Variants in RBFOX1 observed in about 807,000 individuals in gnomAD.
The protein encoded by RBFOX1 is RNA binding fox-1 homolog 1.
Under a neutral mutation model 57.7 loss-of-function variants are expected in RBFOX1, and 8 were observed. The observed-to-expected ratio is 0.14, with a 90% CI of 0.08 to 0.25. The LOEUF is 0.25. Ranked by LOEUF, RBFOX1 falls within the 10% of genes least tolerant of loss-of-function variation. The probability of loss-of-function intolerance (pLI) is 1.00; values close to 1 mark genes in which losing one functional copy is unlikely to be tolerated. For synonymous variants in RBFOX1, 326 were observed against 222.4 expected, an observed-to-expected ratio of 1.47 and a Z score of -4.15; for missense variants, 611 against 548.5, an observed-to-expected ratio of 1.11 and a Z score of -1.14.
intron 1 of RBFOX1, among the ~76,000 whole-genome samples, chr16:6,132,869 C>G (rs914878187): frequency 2.0e-5 from 3 of 151,548 alleles, no homozygotes; most frequent in African/African-American, 7.3e-5. Context: ...TGCCTGTAGT[C>G]CCAGCTACTC....
intron 1 of RBFOX1, among the ~76,000 whole-genome samples, chr16:6,193,375 T>TATATACATTATATATATATATACAC: frequency 1.5e-5 from 1 of 64,868 alleles, no homozygotes; most frequent in African/African-American, 4.4e-5. Context: ...TATATATATA[T>TATATACATTATATATATATATACAC]ACATTATATA....
chr16:5,382,889 T>A (rs987092499), intron 1 of RBFOX1, among the ~76,000 whole-genome samples: 1 of 152,162 alleles, frequency 6.6e-6, no homozygotes, highest in Non-Finnish European at 1.5e-5. Flanking sequence ...AAAGCTTAAG[T>A]CTCCTTTTAT....
At chr16:5,412,379 C>G (rs1382645399) in intron 1 of RBFOX1, among the ~76,000 whole-genome samples, 3 of 152,232 alleles carry the variant, frequency 2.0e-5, no homozygotes, top group East Asian at 1.9e-4. Flanking sequence ...ATTGTTATCA[C>G]TAATGATATT....
chr16:5,450,737 TG>T (rs1436269706), intron 1 of RBFOX1, among the ~76,000 whole-genome samples: 1 of 151,934 alleles, frequency 6.6e-6, no homozygotes, highest in East Asian at 1.9e-4. Flanking sequence ...TTGCTGGGAG[TG>T]GGACTTTGGG....
At chr16:7,215,069 C>CT (rs1409080420) in intron 4 of RBFOX1, among the ~76,000 whole-genome samples, 2 of 151,840 alleles carry the variant, frequency 1.3e-5, no homozygotes, top group African/African-American at 2.4e-5. Flanking sequence ...CTCCACCCCC[C>CT]GCGGACAGGC....
At chr16:7,379,115 G>GT (rs1160843097) in intron 4 of RBFOX1, among the ~76,000 whole-genome samples, 1 of 152,106 alleles carries the variant, frequency 6.6e-6, no homozygotes, top group East Asian at 1.9e-4. Context: ...TTTAATAATG[G>GT]TAGCCAATGT....
intron 5 of RBFOX1, among the ~76,000 whole-genome samples, chr16:7,557,614 T>G (rs1166259281): frequency 1.2e-5 from 1 of 86,672 alleles, no homozygotes; most frequent in Non-Finnish European, 2.0e-5. Context: ...AGTTAGACTC[T>G]GTCTCAAAAA....
At chr16:6,490,132 C>T (rs534266858) in intron 2 of RBFOX1, among the ~76,000 whole-genome samples, 2 of 152,108 alleles carry the variant, frequency 1.3e-5, no homozygotes, top group Admixed American at 6.5e-5. Context: ...ATGACCATGC[C>T]TATCTCAGTC....
chr16:6,161,210 G>A (rs1170637416), intron 1 of RBFOX1, among the ~76,000 whole-genome samples: 1 of 152,074 alleles, frequency 6.6e-6, no homozygotes, highest in Non-Finnish European at 1.5e-5. Flanking sequence ...CCAACATGGT[G>A]AAACCGTGTC....
intron 2 of RBFOX1, among the ~76,000 whole-genome samples, chr16:6,607,924 G>GCTGTTTCC (rs2097967137): frequency 1.3e-5 from 2 of 152,146 alleles, no homozygotes; most frequent in Non-Finnish European, 2.9e-5. Flanking sequence ...TACTGAAATA[G>GCTGTTTCC]AATATATACA....
chr16:5,371,051 G>A (rs936562316), intron 1 of RBFOX1, among the ~76,000 whole-genome samples: 1 of 152,176 alleles, frequency 6.6e-6, no homozygotes, highest in Non-Finnish European at 1.5e-5. Context: ...GGGTTCAGGC[G>A]ATTCTCCTGC....
chr16:6,097,749 C>T lies in RBFOX1; in HGVS notation c.-127+77757C>T, dbSNP rs1025840225. 2.0e-5 allele frequency among the ~76,000 whole-genome samples: 3 copies of T among 151,420 alleles called. No homozygotes were observed. The highest frequency in any genetic ancestry group is 4.4e-5 in the Non-Finnish European group (3 of 67,914). On this transcript the variant is annotated intron_variant, in intron 1 of 15. Coordinates refer to ENST00000550418, the MANE Select transcript of RBFOX1 (RefSeq NM_018723.4). The surrounding 1 kb of genome is among the most constrained non-coding windows in gnomAD (Gnocchi z 5.0). Reference sequence around the variant, plus strand: ...GCTATACTGCCTCTGTGTCTTTGGTCTGTGTTCTCTTCTTTTTTTTTTTTT... The same window carrying T: ...GCTATACTGCCTCTGTGTCTTTGGTTTGTGTTCTCTTCTTTTTTTTTTTTT...
At chr16:6,828,336 C>G (rs1287629781) in intron 3 of RBFOX1, among the ~76,000 whole-genome samples, 1 of 151,894 alleles carries the variant, frequency 6.6e-6, no homozygotes, top group Non-Finnish European at 1.5e-5. Flanking sequence ...GCATCGTGGC[C>G]AACATGATGA....
intron 2 of RBFOX1, among the ~76,000 whole-genome samples, chr16:5,475,169 G>T (rs990175033): frequency 2.0e-5 from 3 of 152,178 alleles, no homozygotes; most frequent in African/African-American, 7.2e-5. Flanking sequence ...TGCCGTAATA[G>T]ATATGTTTGA....
chr16:6,407,513 AAG>A (rs1006193166), intron 2 of RBFOX1, among the ~76,000 whole-genome samples: 30 of 149,054 alleles, frequency 2.0e-4, no homozygotes, highest in Non-Finnish European at 3.9e-4. Flanking sequence ...GACAGAGAGA[AAG>A]AGAGGAGAAA....
chr16:5,707,074 C>T (rs1488675123), intron 3 of RBFOX1, among the ~76,000 whole-genome samples: 1 of 152,160 alleles, frequency 6.6e-6, no homozygotes, highest in Non-Finnish European at 1.5e-5. Flanking sequence ...CAGACACAAA[C>T]ACATGAGAAA....
chr16:7,365,367 C>T (rs975208661), intron 4 of RBFOX1, among the ~76,000 whole-genome samples: 3 of 152,126 alleles, frequency 2.0e-5, no homozygotes, highest in African/African-American at 7.2e-5. Flanking sequence ...TTTATAGTCT[C>T]AGTCCATCCA....
intron 2 of RBFOX1, among the ~76,000 whole-genome samples, chr16:6,618,902 G>A (rs1023251500): frequency 6.6e-6 from 1 of 152,140 alleles, no homozygotes; most frequent in Admixed American, 6.5e-5. Flanking sequence ...GATGAGGAAG[G>A]AGCAGGGCCA....
At chr16:5,999,178 G>A (rs1441224281) in intron 4 of RBFOX1, among the ~76,000 whole-genome samples, 2 of 152,102 alleles carry the variant, frequency 1.3e-5, no homozygotes, top group Non-Finnish European at 2.9e-5. Context: ...TGCATGCCCA[G>A]CCTCCTGCCA....
Sources: allele counts gnomAD v4.1 joint callset (sites outside exome capture counted in the v4.1 genomes callset), GRCh38; gene constraint gnomAD v4.1.1; non-coding constraint Gnocchi (gnomAD v3.1); transcripts MANE v1.5; gene names NCBI Gene and HGNC (gene_info 2026-07-23, HGNC 2026-07-21).